EIF2A: variants seen among roughly 807,000 people sequenced by gnomAD.
EIF2A encodes eukaryotic translation initiation factor 2A.
Under a neutral mutation model 75.2 loss-of-function variants are expected in EIF2A, and 62 were observed. The ratio of observed to expected loss-of-function variants is 0.82; its 90% CI spans 0.67 to 1.02. The LOEUF (loss-of-function observed/expected upper bound fraction) is 1.02, where lower values mean the gene tolerates loss of function less well. Ranked by LOEUF, EIF2A falls within the 50% of genes least tolerant of loss-of-function variation. The probability of loss-of-function intolerance (pLI) is 0.00; values close to 1 mark genes in which losing one functional copy is unlikely to be tolerated. For synonymous variants in EIF2A, 207 were observed against 239.0 expected (o/e 0.87, Z 1.23); for missense variants, 611 against 677.7 (o/e 0.90, Z 1.09).
At chr3:150,581,943 C>T (rs960115224) in intron 12 of EIF2A, among the ~76,000 whole-genome samples, 197 bp downstream of exon 12, 1 of 151,978 alleles carries the variant, frequency 6.6e-6, no homozygotes, top group African/African-American at 2.4e-5. Flanking sequence ...TCTGAAGACT[C>T]TTAGTACTTT....
intron 3 of EIF2A, among the ~76,000 whole-genome samples, chr3:150,561,261 G>C (rs572541726): frequency 1.3e-5 from 2 of 152,188 alleles, no homozygotes; most frequent in African/African-American, 4.8e-5. Context: ...ACTGCACCTG[G>C]CCCATTTATT....
At chr3:150,580,699 A>C (rs1274870155) in intron 11 of EIF2A, among the ~76,000 whole-genome samples, 10 of 152,188 alleles carry the variant, frequency 6.6e-5, no homozygotes, top group Non-Finnish European at 1.5e-5. Flanking sequence ...TCTCTTTGGC[A>C]TATCCGAATT....
intron 4 of EIF2A, 89 bp downstream of exon 4, chr3:150,562,749 G>C: frequency 1.1e-6 from 1 of 911,604 alleles, no homozygotes; most frequent in South Asian, 1.5e-5. Context: ...AACCTCATAA[G>C]AAAGTAATTA....
intron 2 of EIF2A, 121 bp from the exon 3 acceptor site, chr3:150,558,267 C>G: frequency 1.2e-6 from 1 of 860,292 alleles, no homozygotes; most frequent in Non-Finnish European, 1.7e-6. Flanking sequence ...TTGGAATTTT[C>G]TGAAATTTGT....
chr3:150,577,562 G>T (rs528845149), intron 11 of EIF2A, among the ~76,000 whole-genome samples: 1 of 151,868 alleles, frequency 6.6e-6, no homozygotes, highest in African/African-American at 2.4e-5. Flanking sequence ...CAGGAAATGG[G>T]AGTAGGTTTT....
rs1416280766 is a variant in EIF2A at position 150,552,637 on chromosome 3, TA to T, written c.98+213del. ...TAGTAACTTAAGCCTATTTATAAGG[TA>T]GGGGGAACAATACTAAGAAAAAGTG... On this transcript the variant is annotated intron_variant, in intron 2 of 13. Transcript: ENST00000460851. The T allele has an allele frequency of 9.8e-6, 4 of 408,214 alleles. No individual in the cohort carries two copies. The Admixed American group carries it at 1.7e-4, about 17-fold the overall frequency. 25.3% of individuals were successfully genotyped at this position (408,214 alleles called of 1,614,324 possible).
chr3:150,562,033 A>G (rs1025790878), intron 3 of EIF2A, among the ~76,000 whole-genome samples: 2 of 151,768 alleles, frequency 1.3e-5, no homozygotes, highest in African/African-American at 4.8e-5. Flanking sequence ...TGCTGGGATT[A>G]CAGGTGTGAG....
intron 1 of EIF2A, among the ~76,000 whole-genome samples, chr3:150,549,292 C>T (rs1219617205): frequency 3.3e-5 from 5 of 150,440 alleles, no homozygotes; most frequent in African/African-American, 4.9e-5. Flanking sequence ...GATCTTGGCT[C>T]GCTGCAACCT....
In EIF2A at chr3:150,572,016, T is replaced by C. The variant is rs745610288; in HGVS notation, c.870T>C (p.Ala290=). 6.2e-7 allele frequency: 1 copy of C among 1,613,934 alleles called. No homozygotes were observed. Among genetic ancestry groups the C allele is most frequent in the Non-Finnish European group, 8.5e-7 (1 of 1,179,874 alleles). ...VWNSSSTEFC[A]VYGFMPAKAT... is the part of the protein sequence containing the mutation. ...ATTCTAGTTCTACTGAGTTTTGTGC[T>C]GTATATGGTTTTATGCCTGCCAAAG... The change falls in exon 10 of 14, where the codon GCT becomes GCC. Residue 290 remains alanine (A), a synonymous_variant. Transcript: ENST00000460851.
At chr3:150,550,618 A>G (rs1353004513) in intron 1 of EIF2A, among the ~76,000 whole-genome samples, 1 of 152,154 alleles carries the variant, frequency 6.6e-6, no homozygotes, top group Non-Finnish European at 1.5e-5. Flanking sequence ...AGGCTGAGGG[A>G]AGCAGATTGG....
chr3:150,578,637 C>A (rs1221874468), intron 11 of EIF2A, among the ~76,000 whole-genome samples: 1 of 152,058 alleles, frequency 6.6e-6, no homozygotes, highest in Non-Finnish European at 1.5e-5. Context: ...AAAGGTGATA[C>A]CAGTAATCCC....
intron 5 of EIF2A, 74 bp downstream of exon 5, chr3:150,563,688 C>T: frequency 1.8e-6 from 2 of 1,119,680 alleles, no homozygotes; most frequent in Non-Finnish European, 2.4e-6. Flanking sequence ...ATTTGTTTTC[C>T]TGATATTGAT....
chr3:150,570,380 A>G (rs1210378025), intron 9 of EIF2A, among the ~76,000 whole-genome samples: 2 of 152,116 alleles, frequency 1.3e-5, no homozygotes, highest in Non-Finnish European at 2.9e-5. Context: ...TAATTGGAGA[A>G]AAATAAAATA....
At chr3:150,579,248 T>G (rs1400996778) in intron 11 of EIF2A, among the ~76,000 whole-genome samples, 1 of 152,198 alleles carries the variant, frequency 6.6e-6, no homozygotes, top group African/African-American at 2.4e-5. Flanking sequence ...TTTAATTTTA[T>G]ATTGTGAAAA....
rs577130353 is a variant in EIF2A at position 150,584,428 on chromosome 3, A to G, written c.*517A>G. Reference sequence around the variant, plus strand: ...TCTCAAAGCTAGGAAATGGCCATCTAATCCCAGAGCCTATGCTTTAGGTCA... The same window carrying G: ...TCTCAAAGCTAGGAAATGGCCATCTGATCCCAGAGCCTATGCTTTAGGTCA... On this transcript the variant is annotated 3_prime_UTR_variant, in exon 14 of 14. Coordinates refer to ENST00000460851, the MANE Select transcript of EIF2A (RefSeq NM_032025.5). Among the ~76,000 whole-genome samples, 7 of 152,314 alleles carry G rather than the reference A, an allele frequency of 4.6e-5. No individual in the cohort carries two copies. Among genetic ancestry groups the G allele is most frequent in the African/African-American group, 1.7e-4 (7 of 41,566 alleles).
At chr3:150,564,864 A>AT (rs1724084303) in intron 6 of EIF2A, 2 of 194,342 alleles carry the variant, frequency 1.0e-5, no homozygotes, top group Admixed American at 1.1e-4. Flanking sequence ...ATTTCTGAAG[A>AT]TTGGGGCCTT....
chr3:150,564,258 C>T lies in EIF2A; in HGVS notation c.393-41C>T, dbSNP rs367653076. Reference sequence around the variant, plus strand: ...ATGTTAATGTGATGTTACATTCTGTCTGAATATTTTTTATACTTTTTTTTT... The same window carrying T: ...ATGTTAATGTGATGTTACATTCTGTTTGAATATTTTTTATACTTTTTTTTT... On this transcript the variant is annotated intron_variant, in intron 5 of 13. Coordinates refer to ENST00000460851, the MANE Select transcript of EIF2A (RefSeq NM_032025.5). 34 of 1,426,068 alleles carry T rather than the reference C, an allele frequency of 2.4e-5. No individual in the cohort carries two copies. In the African/African-American group the frequency reaches 5.0e-4, roughly 21 times the overall value. 88.3% of individuals were successfully genotyped at this position (1,426,068 alleles called of 1,614,324 possible).
chr3:150,554,141 A>G (rs1318045817), intron 2 of EIF2A, among the ~76,000 whole-genome samples: 1 of 152,214 alleles, frequency 6.6e-6, no homozygotes, highest in Non-Finnish European at 1.5e-5. Flanking sequence ...AGAGATTCAC[A>G]CCAACCTAAG....
At chr3:150,572,932 C>T (rs72616683) in intron 10 of EIF2A, among the ~76,000 whole-genome samples, 1 of 151,032 alleles carries the variant, frequency 6.6e-6, no homozygotes, top group African/African-American at 2.4e-5. Context: ...TAATTTCCAT[C>T]GAAATGTTCT....
Sources: gnomAD v4.1 joint callset for allele counts (sites outside exome capture counted in the v4.1 genomes callset) on GRCh38, gnomAD v4.1.1 for gene constraint, MANE v1.5 for transcripts, NCBI Gene and HGNC (gene_info 2026-07-23, HGNC 2026-07-21) for gene names.